The following ZC3H14 variants were observed in gnomAD, a reference collection of about 807,000 sequenced individuals.
The protein encoded by ZC3H14 is zinc finger CCCH domain-containing protein 14.
A neutral mutation model predicts 92.4 loss-of-function variants in ZC3H14; 31 were observed. That is an observed-to-expected ratio of 0.34 (90% CI 0.25 to 0.45). ZC3H14 has a LOEUF of 0.45. Ranked by LOEUF, ZC3H14 falls within the 20% of genes least tolerant of loss-of-function variation. ZC3H14 has a pLI of 1.00. For missense variants in ZC3H14, 781 were observed against 897.3 expected (o/e 0.87, Z 1.66); for synonymous variants, 321 against 300.9 (o/e 1.07, Z -0.69).
rs763767024 is a variant in ZC3H14 at position 88,626,990 on chromosome 14, G to A, written c.*15239G>A. 1.9e-6 allele frequency: 3 copies of A among 1,613,642 alleles called. No homozygotes were observed. Among genetic ancestry groups the A allele is most frequent in the South Asian group, 2.2e-5 (2 of 91,066 alleles). On this transcript the variant is annotated 3_prime_UTR_variant, in exon 17 of 17. Coordinates refer to ENST00000251038, the MANE Select transcript of ZC3H14 (RefSeq NM_024824.5). ...ACAAACTGGGTATCTGAATCTGGTC[G>A]GAATTCTGCCACAAAAATACGTTGA... is the stretch of plus-strand genomic sequence containing the variant.
chr14:88,584,069 A>G (rs2082213375), intron 9 of ZC3H14, among the ~76,000 whole-genome samples: 1 of 152,200 alleles, frequency 6.6e-6, no homozygotes, highest in East Asian at 1.9e-4. Flanking sequence ...CCTCTGCAAA[A>G]AAGATGTTTT....
rs762060171 is a variant in ZC3H14 at position 88,626,918 on chromosome 14, C to T, written c.*15167C>T. ...AGTAGCCCTTTTTTGCTAAGAAGAG[C>T]TCTTCCTGCCAGGGTCCAGAACTTC... On this transcript the variant is annotated 3_prime_UTR_variant, in exon 17 of 17. Transcript: ENST00000251038. 5.0e-6 allele frequency: 8 copies of T among 1,613,862 alleles called. 1 individual carries two copies. The African/African-American group carries it at 5.3e-5, about 11-fold the overall frequency.
chr14:88,624,605 A>C lies in ZC3H14; in HGVS notation c.*12854A>C, dbSNP rs1317115266. 3 of 198,266 alleles carry C rather than the reference A, an allele frequency of 1.5e-5. No homozygotes were observed. Among genetic ancestry groups the C allele is most frequent in the Non-Finnish European group, 3.1e-5 (3 of 97,952 alleles). 12.3% of individuals were successfully genotyped at this position (198,266 alleles called of 1,614,324 possible). Reference sequence around the variant, plus strand: ...ATGTGCATTCTACTCCTTAGAATCCATTCTGAACAAAAAGAGAGCAGGCAG... The same window carrying C: ...ATGTGCATTCTACTCCTTAGAATCCCTTCTGAACAAAAAGAGAGCAGGCAG... On this transcript the variant is annotated 3_prime_UTR_variant, in exon 17 of 17. Transcript: ENST00000251038.
At chr14:88,588,256 C>T (rs1446518020) in intron 9 of ZC3H14, among the ~76,000 whole-genome samples, 1 of 152,198 alleles carries the variant, frequency 6.6e-6, no homozygotes, top group Non-Finnish European at 1.5e-5. Flanking sequence ...CCCTCCTCCC[C>T]TGAGTCGGCT....
Position 88,563,086 on chromosome 14 carries a change from G to T in ZC3H14, c.-48G>T. On this transcript the variant is annotated 5_prime_UTR_variant, in exon 1 of 17. Transcript: ENST00000251038. ...GGGTAGGAGTCCGCGGCAGCCTCCGGGTAAGCCAAGCGCCGCGCAGTGCTG... is the reference window on the plus strand; with the variant it reads ...GGGTAGGAGTCCGCGGCAGCCTCCGTGTAAGCCAAGCGCCGCGCAGTGCTG... 6.4e-7 allele frequency: 1 copy of T among 1,557,658 alleles called. No individual in the cohort carries two copies. The highest frequency in any genetic ancestry group is 8.6e-7 in the Non-Finnish European group (1 of 1,158,520).
intron 9 of ZC3H14, among the ~76,000 whole-genome samples, chr14:88,584,473 A>G (rs1239874310): frequency 6.6e-6 from 1 of 152,250 alleles, no homozygotes; most frequent in Non-Finnish European, 1.5e-5. Context: ...ATGCACACAA[A>G]CACAGACTTT....
At chr14:88,579,441 G>T (rs1477493511) in intron 9 of ZC3H14, among the ~76,000 whole-genome samples, 1 of 152,204 alleles carries the variant, frequency 6.6e-6, no homozygotes, top group Non-Finnish European at 1.5e-5. Context: ...AGTGGCAGAT[G>T]AGGCTGATCT....
chr14:88,584,548 A>C (rs1037791087), intron 9 of ZC3H14, among the ~76,000 whole-genome samples: 32 of 152,216 alleles, frequency 2.1e-4, no homozygotes, highest in African/African-American at 7.5e-4. Context: ...TAGCTACATA[A>C]GATTTACTAT....
rs934447443 is a variant in ZC3H14 at position 88,626,530 on chromosome 14, T to A, written c.*14779T>A. 36 of 291,812 alleles carry A rather than the reference T, an allele frequency of 1.2e-4. No homozygotes were observed. In the Admixed American group the frequency reaches 1.7e-3, roughly 14 times the overall value. 18.1% of individuals were successfully genotyped at this position (291,812 alleles called of 1,614,324 possible). ...TCCCAGCTACTAAGGAGGCTGAGGA[T>A]CACTTGAACCTGGGAGATGGAGGCT... On this transcript the variant is annotated 3_prime_UTR_variant, in exon 17 of 17. Coordinates refer to ENST00000251038, the MANE Select transcript of ZC3H14 (RefSeq NM_024824.5).
intron 3 of ZC3H14, 140 bp from the exon 4 acceptor site, chr14:88,570,944 C>T: frequency 1.7e-6 from 1 of 576,490 alleles, no homozygotes; most frequent in South Asian, 5.1e-5. Flanking sequence ...AGTGAAACCC[C>T]ATCTCTATTT....
chr14:88,612,063 A>T lies in ZC3H14; in HGVS notation c.*312A>T, dbSNP rs1355938611. On this transcript the variant is annotated 3_prime_UTR_variant, in exon 17 of 17. Transcript: ENST00000251038. ...AGGATCAGCATATGAAATTGACATC[A>T]TGGTTAGTCATGGTACTGCAGCTTA... 7.7e-6 allele frequency: 3 copies of T among 390,564 alleles called. No individual in the cohort carries two copies. The East Asian group carries it at 1.4e-4, about 19-fold the overall frequency. 24.2% of individuals were successfully genotyped at this position (390,564 alleles called of 1,614,324 possible).
Position 88,613,534 on chromosome 14 carries a change from C to T in ZC3H14, c.*1783C>T, listed in dbSNP as rs559908131. On this transcript the variant is annotated 3_prime_UTR_variant, in exon 17 of 17. Transcript: ENST00000251038. ...ATTGTTTTTTGCTATTTAATAGCCA[C>T]TGCCCAGACACATATTTAAGAGTTT... 1 of 152,218 alleles carries T rather than the reference C, an allele frequency of 6.6e-6. No individual in the cohort carries two copies. The highest frequency in any genetic ancestry group is 2.4e-5 in the African/African-American group (1 of 41,548). The allele number at this position is 152,218 out of a possible 1,614,324, so 9.4% of individuals were successfully genotyped here.
chr14:88,605,886 G>A lies in ZC3H14; in HGVS notation c.1748-1357G>A, dbSNP rs1595080247. Among the ~76,000 whole-genome samples the A allele has an allele frequency of 5.9e-5, 9 of 152,270 alleles. 1 individual carries two copies. The South Asian group carries it at 1.9e-3, about 32-fold the overall frequency. On this transcript the variant is annotated intron_variant, in intron 12 of 16. Coordinates refer to ENST00000251038, the MANE Select transcript of ZC3H14 (RefSeq NM_024824.5). ...CGTTTAATCATCAGACTCTAAGGAA[G>A]ACATTATTTTCTCTTTGTATAGATG...
rs202089412 is a variant in ZC3H14, at chr14:88,611,745, C to G, written c.2205C>G (p.Ser735Arg). The change falls in exon 17 of 17, where the codon AGC (serine) becomes AGG (arginine). Residue 735 changes from serine to arginine, a missense_variant and splice_region_variant. By Grantham distance (110) the Ser-to-Arg change is moderately radical. This residue lies in a region of ZC3H14 where 221 missense variants were observed against 304.7 expected (regional missense o/e 0.73). Transcript: ENST00000251038. ...ACAATTTTTGGTTCTGTTCATTCAG[C>G]GAATAGCACCCAGTCCTGCCTGGCA... ...HALKWIRPQT[S>R]E 6.2e-7 allele frequency: 1 copy of G among 1,613,838 alleles called. No individual in the cohort carries two copies. The highest frequency in any genetic ancestry group is 2.2e-5 in the East Asian group (1 of 44,882).
intron 9 of ZC3H14, among the ~76,000 whole-genome samples, chr14:88,583,593 C>T (rs958903772): frequency 1.3e-5 from 2 of 152,014 alleles, no homozygotes; most frequent in East Asian, 1.9e-4. Context: ...AGTGTGTTTT[C>T]TATACAGTAT....
At chr14:88,564,356 T>C (rs530867315) in intron 2 of ZC3H14, among the ~76,000 whole-genome samples, 1 of 152,338 alleles carries the variant, frequency 6.6e-6, no homozygotes, top group Middle Eastern at 3.4e-3. Context: ...ATGTATTAAC[T>C]CAGGATAATC....
chr14:88,574,955 G>C (rs2080967532), intron 7 of ZC3H14, 102 bp downstream of exon 7: 16 of 1,547,220 alleles, frequency 1.0e-5, no homozygotes, highest in Non-Finnish European at 1.4e-5. Context: ...TTTGTTTTTT[G>C]AGACGGAGTC....
chr14:88,600,441 C>CTTTT (rs201793653), intron 10 of ZC3H14, among the ~76,000 whole-genome samples: 1 of 143,356 alleles, frequency 7.0e-6, no homozygotes, highest in Non-Finnish European at 1.5e-5. Flanking sequence ...TTTCTTTTCT[C>CTTTT]TTTTTTTTTT....
At chr14:88,594,556 T>G in intron 9 of ZC3H14, 4 of 1,457,368 alleles carry the variant, frequency 2.7e-6, no homozygotes, top group Non-Finnish European at 3.6e-6. Context: ...CAACCCCATC[T>G]TTTGAATTAC....
Sources: allele counts gnomAD v4.1 joint callset (sites outside exome capture counted in the v4.1 genomes callset), GRCh38; gene constraint gnomAD v4.1.1; regional missense constraint gnomAD v4.1.1; transcripts MANE v1.5; gene names NCBI Gene and HGNC (gene_info 2026-07-23, HGNC 2026-07-21).